The following TWIST2 variants were observed in gnomAD, a reference collection of about 807,000 sequenced individuals.
The protein encoded by TWIST2 is twist-related protein 2.
A neutral mutation model predicts 11.6 loss-of-function variants in TWIST2; 1 was observed. That is an observed-to-expected ratio of 0.09 (90% CI 0.03 to 0.41). The LOEUF (loss-of-function observed/expected upper bound fraction) is 0.41, where lower values mean the gene tolerates loss of function less well. Ranked by LOEUF, TWIST2 falls within the 10% of genes least tolerant of loss-of-function variation. TWIST2 has a pLI of 0.98. For missense variants in TWIST2, 168 were observed against 226.4 expected (o/e 0.74, Z 1.66); for synonymous variants, 87 against 96.6 (o/e 0.90, Z 0.58).
At position 238,864,646 on chromosome 2, in the gene TWIST2, C is replaced by T. The variant is rs957953996; in HGVS notation, c.*35+15913C>T. 1.3e-5 allele frequency among the ~76,000 whole-genome samples: 2 copies of T among 152,156 alleles called. No individual in the cohort carries two copies. The highest frequency in any genetic ancestry group is 2.9e-5 in the Non-Finnish European group (2 of 68,016). ...CAGGGGCCCAGAGGCTGGTACCCTC[C>T]GAGGTGCGGGAGAAGAGGAGGTGGG... On this transcript the variant is annotated intron_variant, in intron 1 of 1. Transcript: ENST00000612363. This position sits in a 1 kb window ranked among gnomAD's most constrained non-coding sequence, Gnocchi z 4.7.
Position 238,867,105 on chromosome 2 carries a change from G to A in TWIST2, c.*35+18372G>A, listed in dbSNP as rs767523491. On this transcript the variant is annotated intron_variant, in intron 1 of 1. Coordinates refer to ENST00000612363, the MANE Select transcript of TWIST2 (RefSeq NM_001271893.4). The surrounding 1 kb of genome is among the most constrained non-coding windows in gnomAD (Gnocchi z 4.8). ...GGGGGTCTTGTGTTTGCCCCAAACA[G>A]AGGAGCCAGCCTCTTGTTTCGAGGG... 1.1e-4 allele frequency among the ~76,000 whole-genome samples: 17 copies of A among 152,192 alleles called. No homozygotes were observed. The highest frequency in any genetic ancestry group is 2.2e-4 in the Non-Finnish European group (15 of 68,036).
chr2:238,849,066 G>C (rs553181917), intron 1 of TWIST2, among the ~76,000 whole-genome samples: 9 of 150,952 alleles, frequency 6.0e-5, no homozygotes, highest in Non-Finnish European at 1.2e-4. Flanking sequence ...TGGAAGGAGC[G>C]AGCATCAGAA....
chr2:238,908,465 C>G (rs947866608), intron 1 of TWIST2, among the ~76,000 whole-genome samples: 1 of 151,938 alleles, frequency 6.6e-6, no homozygotes, highest in East Asian at 1.9e-4. Context: ...ATACAACATA[C>G]CATGTACACT....
chr2:238,851,573 CT>C lies in TWIST2; in HGVS notation c.*35+2850del, dbSNP rs36141131. 1.3e-4 allele frequency among the ~76,000 whole-genome samples: 20 copies of C among 150,900 alleles called. No homozygotes were observed. The South Asian group carries it at 1.7e-3, about 13-fold the overall frequency. The stretch of plus-strand genomic sequence containing the variant: ...TCAGTAGATTTCCTCACTCAACAAA[CT>C]TTTTTTTTTCTGAGAACTTTTAGCT... On this transcript the variant is annotated intron_variant, in intron 1 of 1. Coordinates refer to ENST00000612363, the MANE Select transcript of TWIST2 (RefSeq NM_001271893.4).
At position 238,904,460 on chromosome 2, in the gene TWIST2, GGTGT is replaced by G. The variant is rs1400553921; in HGVS notation, c.*36-5373_*36-5370del. Among the ~76,000 whole-genome samples, 140 of 141,490 alleles carry G rather than the reference GGTGT, an allele frequency of 9.9e-4. 1 individual carries two copies. The highest frequency in any genetic ancestry group is 1.9e-3 in the Non-Finnish European group (119 of 63,764). 92.8% of individuals were successfully genotyped at this position (141,490 alleles called of 152,430 possible). Reference sequence around the variant, plus strand: ...TGTGATGTGGGGTATGTGTGGGATGGGTGTGTGTGTGTCTGTGTGCGTGTTCGTG... The same window carrying G: ...TGTGATGTGGGGTATGTGTGGGATGGGTGTGTGTCTGTGTGCGTGTTCGTG... On this transcript the variant is annotated intron_variant, in intron 1 of 1. Transcript: ENST00000612363.
At chr2:238,865,892 T>G (rs1350740182) in intron 1 of TWIST2, among the ~76,000 whole-genome samples, 11 of 152,102 alleles carry the variant, frequency 7.2e-5, no homozygotes, top group Non-Finnish European at 5.9e-5. Flanking sequence ...ATGAACCCTT[T>G]CCAGTCACTC....
chr2:238,894,302 TG>T (rs1693181532), intron 1 of TWIST2, among the ~76,000 whole-genome samples: 1 of 152,076 alleles, frequency 6.6e-6, no homozygotes, highest in African/African-American at 2.4e-5. Flanking sequence ...CGGGTCTTGT[TG>T]CCCCCGAGAT....
chr2:238,862,819 G>A (rs996793570), intron 1 of TWIST2, among the ~76,000 whole-genome samples: 12 of 152,212 alleles, frequency 7.9e-5, no homozygotes, highest in African/African-American at 2.9e-4. Context: ...ACTCTGCTTG[G>A]TCCATATGCT....
chr2:238,906,571 T>C lies in TWIST2; in HGVS notation c.*36-3271T>C, dbSNP rs1001152862. ...TTACACGATACACATGCTCACACAA[T>C]TTACACAACTTGCACATGGACACAC... On this transcript the variant is annotated intron_variant, in intron 1 of 1. Coordinates refer to ENST00000612363, the MANE Select transcript of TWIST2 (RefSeq NM_001271893.4). Among the ~76,000 whole-genome samples, 1,024 of 151,878 alleles carry C rather than the reference T, an allele frequency of 6.7e-3. 13 individuals are homozygous for C. The highest frequency in any genetic ancestry group is 0.023 in the African/African-American group (965 of 41,398).
chr2:238,892,155 G>A (rs1299865042), intron 1 of TWIST2, among the ~76,000 whole-genome samples: 1 of 150,850 alleles, frequency 6.6e-6, no homozygotes, highest in Non-Finnish European at 1.5e-5. Flanking sequence ...GGCAACCACC[G>A]GAAGGGTGAG....
rs1248385207 is a variant in TWIST2, at chr2:238,900,986, C to CT, written c.*36-8841dup. ...CCTATCCCTTCTCCTTCCCCCCCGG[C>CT]TTTTTTTTTTTTTTTCTGAGTCTCA... is the stretch of plus-strand genomic sequence containing the variant. On this transcript the variant is annotated intron_variant, in intron 1 of 1. Transcript: ENST00000612363. 8.7e-3 allele frequency among the ~76,000 whole-genome samples: 1,213 copies of CT among 139,622 alleles called. 13 individuals are homozygous for CT. The highest frequency in any genetic ancestry group is 0.018 in the African/African-American group (654 of 37,350). 91.6% of individuals were successfully genotyped at this position (139,622 alleles called of 152,430 possible). A position where few individuals can be genotyped will look rare whatever the true frequency, so the allele number is the denominator to read the frequency against.
At chr2:238,859,757 C>T (rs1171976576) in intron 1 of TWIST2, among the ~76,000 whole-genome samples, 2 of 152,128 alleles carry the variant, frequency 1.3e-5, no homozygotes, top group South Asian at 2.1e-4. Context: ...AGAGCATTTT[C>T]GACATCTAGT....
At chr2:238,882,147 C>T (rs1017330539) in intron 1 of TWIST2, among the ~76,000 whole-genome samples, 17 of 152,136 alleles carry the variant, frequency 1.1e-4, no homozygotes, top group Non-Finnish European at 1.9e-4. Flanking sequence ...CTCTGGCTCC[C>T]AGGTCCCTGT....
At chr2:238,853,368 A>C (rs1422708977) in intron 1 of TWIST2, among the ~76,000 whole-genome samples, 1 of 150,620 alleles carries the variant, frequency 6.6e-6, no homozygotes, top group African/African-American at 2.5e-5. Flanking sequence ...GAGAGGATAT[A>C]GCAGAGGAGG....
At chr2:238,873,264 A>G (rs1271506255) in intron 1 of TWIST2, among the ~76,000 whole-genome samples, 1 of 152,100 alleles carries the variant, frequency 6.6e-6, no homozygotes, top group Non-Finnish European at 1.5e-5. Context: ...GGAAGAAGTC[A>G]AGGCAGTTCC....
At chr2:238,879,167 T>C (rs1161951392) in intron 1 of TWIST2, among the ~76,000 whole-genome samples, 1 of 152,172 alleles carries the variant, frequency 6.6e-6, no homozygotes, top group Non-Finnish European at 1.5e-5. Flanking sequence ...GAGCCCCTCC[T>C]GGTGGGGCTC....
At chr2:238,887,011 G>A (rs1559280941) in intron 1 of TWIST2, 2 of 152,098 alleles carry the variant, frequency 1.3e-5, no homozygotes, top group Non-Finnish European at 2.9e-5. Context: ...GTTTTTTCAA[G>A]TTCAGAAAAT....
rs569029401 is a variant in TWIST2, at chr2:238,857,576, G to A, written c.*35+8843G>A. Among the ~76,000 whole-genome samples, 11 of 152,010 alleles carry A rather than the reference G, an allele frequency of 7.2e-5. No homozygotes were observed. The South Asian group carries it at 2.3e-3, about 32-fold the overall frequency. On this transcript the variant is annotated intron_variant, in intron 1 of 1. Transcript: ENST00000612363. ...CTGTCTTTGCTGAAAGAAGCCAAAC[G>A]ACCATCTTGTCTGTCTCGTAAAGCA...
rs1211381236 is a variant in TWIST2, at chr2:238,866,191, C to G, written c.*35+17458C>G. 6.6e-6 allele frequency among the ~76,000 whole-genome samples: 1 copy of G among 152,230 alleles called. No individual in the cohort carries two copies. Among genetic ancestry groups the G allele is most frequent in the Non-Finnish European group, 1.5e-5 (1 of 68,038 alleles). ...CAGGCACCGCCCAGGTTCCCCATGGCACGGGCCCTGCCTGCTCTTCTGTGA... is the reference window on the plus strand; with the variant it reads ...CAGGCACCGCCCAGGTTCCCCATGGGACGGGCCCTGCCTGCTCTTCTGTGA... On this transcript the variant is annotated intron_variant, in intron 1 of 1. Transcript: ENST00000612363. The surrounding 1 kb of genome is among the most constrained non-coding windows in gnomAD (Gnocchi z 4.9).
Sources: allele counts gnomAD v4.1 joint callset (sites outside exome capture counted in the v4.1 genomes callset), GRCh38; gene constraint gnomAD v4.1.1; non-coding constraint Gnocchi (gnomAD v3.1); transcripts MANE v1.5; gene names NCBI Gene and HGNC (gene_info 2026-07-23, HGNC 2026-07-21).